Variants in SUSD1 observed in about 807,000 individuals in gnomAD.
SUSD1 encodes the protein sushi domain-containing protein 1.
Under a neutral mutation model 86.9 loss-of-function variants are expected in SUSD1, and 65 were observed. That is an observed-to-expected ratio of 0.75 (90% CI 0.61 to 0.92). SUSD1 has a LOEUF of 0.92. Ranked by LOEUF, SUSD1 falls within the 40% of genes least tolerant of loss-of-function variation. The pLI, the probability that SUSD1 is intolerant of heterozygous loss-of-function variation, is 0.00. For missense variants in SUSD1, 850 were observed against 929.7 expected, an observed-to-expected ratio of 0.91 and a Z score of 1.11; for synonymous variants, 346 against 350.0, an observed-to-expected ratio of 0.99 and a Z score of 0.13.
At position 112,041,454 on chromosome 9, in the gene SUSD1, G is replaced by T; in HGVS notation, c.*38C>A. The T allele has an allele frequency of 3.8e-6, 3 of 780,988 alleles. No homozygotes were observed. Among genetic ancestry groups the T allele is most frequent in the Non-Finnish European group, 7.2e-6 (3 of 418,106 alleles). 48.4% of individuals were successfully genotyped at this position (780,988 alleles called of 1,614,324 possible). ...GAGAAGCTGCCAGAACACCTGCCCA[G>T]CAGCAGTGCATCCTCCCCACTCAGT... On this transcript the variant is annotated 3_prime_UTR_variant, in exon 17 of 17. Transcript: ENST00000374270.
At chr9:112,105,996 T>G (rs1436851980) in intron 8 of SUSD1, among the ~76,000 whole-genome samples, 2 of 152,188 alleles carry the variant, frequency 1.3e-5, no homozygotes, top group Non-Finnish European at 2.9e-5. Context: ...TTTTTATATT[T>G]TATTTATTTA....
intron 12 of SUSD1, among the ~76,000 whole-genome samples, chr9:112,069,404 CAG>C (rs143605615): frequency 6.6e-6 from 1 of 151,846 alleles, no homozygotes; most frequent in African/African-American, 2.4e-5. Context: ...AAGAGCAGTC[CAG>C]AGAGAGATTC....
intron 14 of SUSD1, among the ~76,000 whole-genome samples, chr9:112,052,999 G>T (rs1828286442): frequency 6.6e-6 from 1 of 152,140 alleles, no homozygotes; most frequent in South Asian, 2.1e-4. Flanking sequence ...TCAGTGGAAT[G>T]AATATCTCTT....
At position 112,129,063 on chromosome 9, in the gene SUSD1, T is replaced by TAAAA. The variant is rs140751019; in HGVS notation, c.707-4631_707-4628dup. ...AGAAAGGTTGGGAGAAGAATAGGAA[T>TAAAA]AAAAAAAGAGACATCAGCCAGGGTC... On this transcript the variant is annotated intron_variant, in intron 5 of 16. Coordinates refer to ENST00000374270, the MANE Select transcript of SUSD1 (RefSeq NM_022486.5). Among the ~76,000 whole-genome samples the TAAAA allele has an allele frequency of 4.0e-3, 611 of 151,842 alleles. 4 individuals are homozygous for TAAAA. The highest frequency in any genetic ancestry group is 0.014 in the African/African-American group (583 of 41,396).
intron 10 of SUSD1, among the ~76,000 whole-genome samples, chr9:112,095,529 G>C (rs937084403): frequency 7.2e-5 from 11 of 152,178 alleles, no homozygotes; most frequent in Admixed American, 2.6e-4. Flanking sequence ...TAGCCCAGGG[G>C]GTTTCCTGGA....
At chr9:112,065,628 C>G (rs1221579629) in intron 12 of SUSD1, among the ~76,000 whole-genome samples, 1 of 152,154 alleles carries the variant, frequency 6.6e-6, no homozygotes, top group Non-Finnish European at 1.5e-5. Flanking sequence ...AGAGGTCTAC[C>G]CAGTGTGGCT....
chr9:112,077,499 CTTTTTTTTTTTT>C lies in SUSD1; in HGVS notation c.1753+1027_1753+1038del, dbSNP rs869259276. On this transcript the variant is annotated intron_variant, in intron 12 of 16. Coordinates refer to ENST00000374270, the MANE Select transcript of SUSD1 (RefSeq NM_022486.5). ...ATCATTGTCCCCTGATAGTAATCTA[CTTTTTTTTTTTT>C]TTTTTTTTTTTTTTTTTTGAGATGG... Among the ~76,000 whole-genome samples the C allele has an allele frequency of 2.0e-3, 130 of 66,418 alleles. 1 individual carries two copies. Among genetic ancestry groups the C allele is most frequent in the African/African-American group, 7.1e-3 (118 of 16,522 alleles). 43.6% of individuals were successfully genotyped at this position (66,418 alleles called of 152,430 possible).
chr9:112,172,345 C>T (rs1589764166), intron 1 of SUSD1, among the ~76,000 whole-genome samples: 2 of 152,266 alleles, frequency 1.3e-5, no homozygotes, highest in East Asian at 3.9e-4. Context: ...TTCTCAATCT[C>T]TGCCTCTCGG....
At chr9:112,128,738 A>G (rs1831886373) in intron 5 of SUSD1, among the ~76,000 whole-genome samples, 1 of 152,202 alleles carries the variant, frequency 6.6e-6, no homozygotes, top group African/African-American at 2.4e-5. Flanking sequence ...TGAGCAAGCC[A>G]TGTTTGGGAC....
intron 3 of SUSD1, 37 bp downstream of exon 3, chr9:112,149,207 C>T (rs754701154): frequency 6.8e-6 from 11 of 1,610,200 alleles, no homozygotes; most frequent in African/African-American, 4.0e-5. Flanking sequence ...ATCCTGCCAT[C>T]GCCAATTGTC....
At chr9:112,093,510 C>A (rs1741013194) in intron 10 of SUSD1, among the ~76,000 whole-genome samples, 1 of 152,188 alleles carries the variant, frequency 6.6e-6, no homozygotes, top group African/African-American at 2.4e-5. Context: ...GGGGGAATTC[C>A]AGCAAGTAGG....
chr9:112,045,932 A>G (rs1465844050), intron 15 of SUSD1, among the ~76,000 whole-genome samples: 1 of 152,220 alleles, frequency 6.6e-6, no homozygotes, highest in African/African-American at 2.4e-5. Context: ...AAGAGGACAA[A>G]AGCTAAGTAG....
intron 6 of SUSD1, among the ~76,000 whole-genome samples, chr9:112,120,902 C>T (rs554591043): frequency 6.6e-6 from 1 of 152,326 alleles, no homozygotes; most frequent in South Asian, 2.1e-4. Flanking sequence ...ACAAGCTATA[C>T]CCAGCTCTTA....
rs372772347 is a variant in SUSD1, at chr9:112,096,787, G to A, written c.1474+1683C>T. 5.3e-5 allele frequency among the ~76,000 whole-genome samples: 8 copies of A among 152,234 alleles called. No homozygotes were observed. The East Asian group carries it at 1.2e-3, about 22-fold the overall frequency. ...ACTCCTGAGCTCAAGCAATCCACCC[G>A]CCTTGGCCTCCCATAGTGCTGGAAT... On this transcript the variant is annotated intron_variant, in intron 10 of 16. Transcript: ENST00000374270.
intron 1 of SUSD1, among the ~76,000 whole-genome samples, chr9:112,161,712 C>T (rs1053103185): frequency 2.6e-5 from 4 of 151,604 alleles, no homozygotes; most frequent in Non-Finnish European, 5.9e-5. Context: ...ATCCTAACTA[C>T]TCAGGAGGCT....
chr9:112,165,406 A>C, intron 1 of SUSD1, among the ~76,000 whole-genome samples: 1 of 95,364 alleles, frequency 1.0e-5, no homozygotes, highest in Non-Finnish European at 2.1e-5. Context: ...GGTCTTTGAC[A>C]CTTTTTTTTT....
chr9:112,156,331 A>T (rs185965111), intron 2 of SUSD1, among the ~76,000 whole-genome samples: 12 of 151,978 alleles, frequency 7.9e-5, no homozygotes, highest in Admixed American at 2.0e-4. Flanking sequence ...GCATGGTGGC[A>T]CATACCTGTA....
intron 15 of SUSD1, among the ~76,000 whole-genome samples, chr9:112,050,178 T>C (rs1828128577): frequency 6.6e-6 from 1 of 152,174 alleles, no homozygotes; most frequent in African/African-American, 2.4e-5. Flanking sequence ...AAAAAATTTA[T>C]GAATGTTGGA....
chr9:112,080,717 G>GA (rs1016631526), intron 10 of SUSD1, among the ~76,000 whole-genome samples: 7 of 151,180 alleles, frequency 4.6e-5, no homozygotes, highest in African/African-American at 1.7e-4. Context: ...AAAGAAAAAG[G>GA]AAAAAAATTA....
Sources: allele counts gnomAD v4.1 joint callset (sites outside exome capture counted in the v4.1 genomes callset), GRCh38; gene constraint gnomAD v4.1.1; transcripts MANE v1.5; gene names NCBI Gene and HGNC (gene_info 2026-07-23, HGNC 2026-07-21).